The following PCDHA5 variants were observed in gnomAD, a reference collection of about 807,000 sequenced individuals.
The protein encoded by PCDHA5 is protocadherin alpha 5, also known as protocadherin alpha-5.
Under a neutral mutation model 61.6 loss-of-function variants are expected in PCDHA5, and 43 were observed. The observed-to-expected ratio is 0.70, with a 90% CI of 0.55 to 0.90. The LOEUF (loss-of-function observed/expected upper bound fraction) is 0.90. PCDHA5 is among the 40% of genes least tolerant of loss of function. The pLI is 0.00. For missense variants in PCDHA5, 1,298 were observed against 1,222.7 expected (o/e 1.06, Z -0.92); for synonymous variants, 627 against 543.9 (o/e 1.15, Z -2.13).
At chr5:140,983,720 T>G (rs1563510266) in intron 3 of PCDHA5, among the ~76,000 whole-genome samples, 1 of 152,228 alleles carries the variant, frequency 6.6e-6, no homozygotes, top group Non-Finnish European at 1.5e-5. Context: ...AGCACTTATA[T>G]TCATAACATG....
intron 1 of PCDHA5, 118 bp downstream of exon 1, chr5:140,824,245 C>A: frequency 1.4e-6 from 2 of 1,462,164 alleles, no homozygotes; most frequent in Non-Finnish European, 9.5e-7. Flanking sequence ...TATTGTGGTA[C>A]ACAATTATTG....
At chr5:140,953,118 A>G (rs2094850559) in intron 1 of PCDHA5, among the ~76,000 whole-genome samples, 1 of 152,162 alleles carries the variant, frequency 6.6e-6, no homozygotes, top group Non-Finnish European at 1.5e-5. Context: ...AGGGACACAG[A>G]TCTAAACCGT....
intron 1 of PCDHA5, chr5:140,968,724 G>C: frequency 6.2e-7 from 1 of 1,614,090 alleles, no homozygotes; most frequent in Non-Finnish European, 8.5e-7. Context: ...GATGAGAGTG[G>C]TAGCACTTTC....
intron 3 of PCDHA5, among the ~76,000 whole-genome samples, chr5:140,992,147 G>A (rs1304729438): frequency 2.0e-5 from 3 of 151,714 alleles, no homozygotes; most frequent in Non-Finnish European, 4.4e-5. Context: ...TGCTAACTTT[G>A]CTCAATCAAG....
At position 140,932,218 on chromosome 5, in the gene PCDHA5, T is replaced by G. The variant is rs556134668; in HGVS notation, c.2353-46731T>G. ...TCTGTTAATATTCTTGATGGGCAATTTAAATTTTTTAGAATGGTATCTAAG... is the reference window on the plus strand; with the variant it reads ...TCTGTTAATATTCTTGATGGGCAATGTAAATTTTTTAGAATGGTATCTAAG... On this transcript the variant is annotated intron_variant, in intron 1 of 3. Coordinates refer to ENST00000529859, the MANE Select transcript of PCDHA5 (RefSeq NM_018908.3). Among the ~76,000 whole-genome samples, 20 of 152,034 alleles carry G rather than the reference T, an allele frequency of 1.3e-4. 1 individual carries two copies. Among genetic ancestry groups the G allele is most frequent in the Middle Eastern group, 3.4e-3 (1 of 292 alleles).
In PCDHA5 at chr5:140,822,883, C is replaced by G; in HGVS notation, c.1108C>G (p.Leu370Val). ...EDAPLSTVIA[L>V]ISVSDRDSGA... Reference sequence around the variant, plus strand: ...CGCTCCACTCAGCACGGTCATTGCTCTGATCAGCGTGTCTGACCGTGACTC... The same window carrying G: ...CGCTCCACTCAGCACGGTCATTGCTGTGATCAGCGTGTCTGACCGTGACTC... Residue 370 changes from leucine (L) to valine (V), a missense_variant, in exon 1 of 4, where the codon CTG (leucine) becomes GTG (valine). Transcript: ENST00000529859. 2.5e-6 allele frequency: 4 copies of G among 1,614,246 alleles called. No homozygotes were observed. The highest frequency in any genetic ancestry group is 3.4e-6 in the Non-Finnish European group (4 of 1,180,048).
chr5:140,827,193 G>A (rs1769211639), intron 1 of PCDHA5, among the ~76,000 whole-genome samples: 1 of 152,116 alleles, frequency 6.6e-6, no homozygotes, highest in Non-Finnish European at 1.5e-5. Flanking sequence ...TTCAAAACTT[G>A]GAAGTGAGTG....
intron 1 of PCDHA5, chr5:140,854,000 CAA>C (rs112540154): frequency 4.4e-4 from 155 of 351,630 alleles, no homozygotes; most frequent in Middle Eastern, 1.4e-3. Flanking sequence ...TCATCTCTGC[CAA>C]AAAAAAAAAA....
rs2150125335 is a variant in PCDHA5 at position 140,823,384 on chromosome 5, C to T, written c.1609C>T (p.Arg537Cys). 3 of 1,612,824 alleles carry T rather than the reference C, an allele frequency of 1.9e-6. No homozygotes were observed. Among genetic ancestry groups the T allele is most frequent in the Non-Finnish European group, 2.5e-6 (3 of 1,179,806 alleles). The change falls in exon 1 of 4, where the codon CGC (arginine) becomes TGC (cysteine). Residue 537 changes from arginine to cysteine, a missense_variant. Physicochemically the swap from Arg to Cys is radical, Grantham distance 180. Transcript: ENST00000529859. The stretch of plus-strand genomic sequence containing the variant: ...GCTGCTGCAGTTCCAGGTGAGCGCG[C>T]GCGACGCGGGCGTGCCGCCTCTGGG... ...VELLQFQVSA[R>C]DAGVPPLGSN...
At chr5:140,882,749 G>C (rs1393099675) in intron 1 of PCDHA5, 1 of 1,614,126 alleles carries the variant, frequency 6.2e-7, no homozygotes, top group Non-Finnish European at 8.5e-7. Flanking sequence ...ATCCGATGCA[G>C]ATATTGGAGT....
At position 140,880,491 on chromosome 5, in the gene PCDHA5, A is replaced by G. The variant is rs570569134; in HGVS notation, c.2352+56364A>G. Among the ~76,000 whole-genome samples, 6 of 152,342 alleles carry G rather than the reference A, an allele frequency of 3.9e-5. No individual in the cohort carries two copies. In the South Asian group the frequency reaches 1.2e-3, roughly 32 times the overall value. On this transcript the variant is annotated intron_variant, in intron 1 of 3. Transcript: ENST00000529859. Reference sequence around the variant, plus strand: ...AGGAAAAATGACACAAGAAGAGAGCAATTGAATTTCTGTTTGGTCACATCT... The same window carrying G: ...AGGAAAAATGACACAAGAAGAGAGCGATTGAATTTCTGTTTGGTCACATCT...
At chr5:140,838,277 C>T (rs1372363386) in intron 1 of PCDHA5, among the ~76,000 whole-genome samples, 8 of 74,794 alleles carry the variant, frequency 1.1e-4, no homozygotes, top group East Asian at 6.5e-4. Flanking sequence ...CCAAGCCATG[C>T]TAATTTTTTT....
At chr5:140,858,604 AT>A (rs2045515312) in intron 1 of PCDHA5, 6 of 1,276,538 alleles carry the variant, frequency 4.7e-6, no homozygotes, top group Non-Finnish European at 6.4e-6. Flanking sequence ...GAGTTTTAAA[AT>A]TTTTTTATCC....
At chr5:140,882,839 T>C (rs1554175751) in intron 1 of PCDHA5, 1 of 1,614,218 alleles carries the variant, frequency 6.2e-7, no homozygotes, top group South Asian at 1.1e-5. Flanking sequence ...GCAAATGTCT[T>C]CATTATCACT....
Position 140,875,636 on chromosome 5 carries a change from A to T in PCDHA5, c.2352+51509A>T, listed in dbSNP as rs574545388. On this transcript the variant is annotated intron_variant, in intron 1 of 3. Coordinates refer to ENST00000529859, the MANE Select transcript of PCDHA5 (RefSeq NM_018908.3). The stretch of plus-strand genomic sequence containing the variant: ...CGCATCGCTCAGGACCTGGGGCTGG[A>T]GCTGGCGGAGCTGGTGCCGCGCCTG... 6 of 1,613,488 alleles carry T rather than the reference A, an allele frequency of 3.7e-6. No individual in the cohort carries two copies. The Admixed American group carries it at 8.3e-5, about 22-fold the overall frequency.
chr5:140,915,222 C>T (rs2153533644), intron 1 of PCDHA5, among the ~76,000 whole-genome samples: 1 of 152,292 alleles, frequency 6.6e-6, no homozygotes, highest in South Asian at 2.1e-4. Context: ...GCTGGGATTA[C>T]AGGCATGAGC....
intron 1 of PCDHA5, chr5:140,829,599 C>T: frequency 1.9e-6 from 3 of 1,612,030 alleles, no homozygotes; most frequent in Non-Finnish European, 2.5e-6. Context: ...GGCGAGCGCG[C>T]GTTGTCGAGC....
rs1554144490 is a variant in PCDHA5, at chr5:140,850,541, G to C, written c.2352+26414G>C. ...AGGCGCCAAAGTCATCGTCGCGGGC[G>C]TCAGTGGGTGCCACGGGCCCCGAGG... is the stretch of plus-strand genomic sequence containing the variant. On this transcript the variant is annotated intron_variant, in intron 1 of 3. Transcript: ENST00000529859. The C allele has an allele frequency of 2.5e-6, 4 of 1,598,386 alleles. 1 individual carries two copies. In the South Asian group the frequency reaches 4.4e-5, roughly 18 times the overall value.
At chr5:140,856,978 G>A in intron 1 of PCDHA5, 2 of 1,594,578 alleles carry the variant, frequency 1.3e-6, no homozygotes, top group Non-Finnish European at 1.7e-6. Context: ...TTGACTTTGA[G>A]GACAGTAACA....
Sources: gnomAD v4.1 joint callset for allele counts (sites outside exome capture counted in the v4.1 genomes callset) on GRCh38, gnomAD v4.1.1 for gene constraint, MANE v1.5 for transcripts, NCBI Gene and HGNC (gene_info 2026-07-23, HGNC 2026-07-21) for gene names.